SLC2A9: variants seen among roughly 807,000 people sequenced by gnomAD.
SLC2A9 encodes solute carrier family 2, facilitated glucose transporter member 9.
Under a neutral mutation model 50.6 loss-of-function variants are expected in SLC2A9, and 39 were observed. That is an observed-to-expected ratio of 0.77 (90% CI 0.60 to 1.01). The LOEUF is 1.01. Among genes scored for constraint, SLC2A9 ranks in the 50% least tolerant of loss-of-function variants. The pLI, the probability that SLC2A9 is intolerant of heterozygous loss-of-function variation, is 0.00. For synonymous variants in SLC2A9, 324 were observed against 276.9 expected (o/e 1.17, Z -1.69); for missense variants, 686 against 677.6 (o/e 1.01, Z -0.14).
At chr4:9,968,486 C>G (rs1264652372) in intron 5 of SLC2A9, among the ~76,000 whole-genome samples, 2 of 152,174 alleles carry the variant, frequency 1.3e-5, no homozygotes, top group African/African-American at 2.4e-5. Flanking sequence ...TCTCAAAGAC[C>G]TAGAAAAGCA....
At chr4:9,776,514 G>A (rs1478712813), downstream of SLC2A9, among the ~76,000 whole-genome samples, 1 of 151,972 alleles carries the variant, frequency 6.6e-6, no homozygotes, top group Non-Finnish European at 1.5e-5. Flanking sequence ...GCAATCAGAG[G>A]CCGGCACAGC....
At chr4:9,881,387 T>A (rs915872174) in intron 10 of SLC2A9, among the ~76,000 whole-genome samples, 3 of 152,178 alleles carry the variant, frequency 2.0e-5, no homozygotes, top group Admixed American at 1.3e-4. Context: ...TATTTAAGGT[T>A]CGTTTGACAT....
At chr4:9,772,673 C>T (rs982047684) in intron 1 of SLC2A9, among the ~76,000 whole-genome samples, 7 of 152,192 alleles carry the variant, frequency 4.6e-5, no homozygotes, top group African/African-American at 1.7e-4. Flanking sequence ...TTGTTTTAAG[C>T]TGCTGAGACC....
At chr4:9,970,476 C>T (rs1753724758) in intron 5 of SLC2A9, among the ~76,000 whole-genome samples, 1 of 151,744 alleles carries the variant, frequency 6.6e-6, no homozygotes, top group Non-Finnish European at 1.5e-5. Context: ...TGGGGTGGAC[C>T]AGGAGGGGCA....
intron 5 of SLC2A9, among the ~76,000 whole-genome samples, chr4:9,961,862 T>C (rs1237821054): frequency 1.3e-5 from 2 of 151,956 alleles, no homozygotes; most frequent in African/African-American, 4.8e-5. Context: ...AACAAATTTA[T>C]AAAAATCAAA....
At chr4:9,890,818 T>C in intron 8 of SLC2A9, 107 bp from the exon 9 acceptor site, 1 of 993,846 alleles carries the variant, frequency 1.0e-6, no homozygotes, top group Non-Finnish European at 1.6e-6. Flanking sequence ...AAAACCGGCT[T>C]TGACCCTGAG....
At position 9,878,145 on chromosome 4, in the gene SLC2A9, C is replaced by CAT. The variant is rs936756552; in HGVS notation, c.1291+9420_1291+9421dup. Among the ~76,000 whole-genome samples the CAT allele has an allele frequency of 6.6e-3, 990 of 150,548 alleles. 8 individuals are homozygous for CAT. The highest frequency in any genetic ancestry group is 0.02 in the African/African-American group (842 of 41,092). On this transcript the variant is annotated intron_variant, in intron 10 of 11. Transcript: ENST00000264784. The stretch of plus-strand genomic sequence containing the variant: ...GGCACTGTGGCATAACACACACACA[C>CAT]ATATATATATATATAAAATTGCAAT...
intron 4 of SLC2A9, 76 bp from the exon 5 acceptor site, chr4:9,980,813 T>C: frequency 6.3e-7 from 1 of 1,594,380 alleles, no homozygotes; most frequent in Non-Finnish European, 8.6e-7. Flanking sequence ...AATGCCTCTC[T>C]TGGCTCTGCT....
At chr4:9,774,706 C>T (rs537411054) in intron 1 of SLC2A9, among the ~76,000 whole-genome samples, 3 of 151,994 alleles carry the variant, frequency 2.0e-5, no homozygotes, top group Admixed American at 1.3e-4. Flanking sequence ...TTCTCTCTCT[C>T]TCTCCTCTTC....
At chr4:9,877,302 C>T (rs1430332277) in intron 10 of SLC2A9, among the ~76,000 whole-genome samples, 1 of 152,212 alleles carries the variant, frequency 6.6e-6, no homozygotes, top group African/African-American at 2.4e-5. Context: ...GGCAGGGAGA[C>T]CTTGCTGTCT....
At chr4:10,019,156 G>C in intron 1 of SLC2A9, 83 bp from the exon 2 acceptor site, 8 of 1,115,512 alleles carry the variant, frequency 7.2e-6, no homozygotes, top group Non-Finnish European at 1.1e-5. Flanking sequence ...TCCCTCAGCT[G>C]GGGGAGGCCT....
chr4:10,018,573 T>TAGATAGAC (rs1763036332), intron 2 of SLC2A9, among the ~76,000 whole-genome samples: 1 of 151,186 alleles, frequency 6.6e-6, no homozygotes, highest in Non-Finnish European at 1.5e-5. Flanking sequence ...GATAGATAGA[T>TAGATAGAC]AGATAGATAG....
intron 1 of SLC2A9, among the ~76,000 whole-genome samples, chr4:10,030,340 A>C (rs890638060): frequency 1.3e-5 from 2 of 152,226 alleles, no homozygotes; most frequent in Non-Finnish European, 2.9e-5. Context: ...ATTATTTGTC[A>C]ATCAAAAATA....
At chr4:9,825,248 T>G (rs1038006699), downstream of SLC2A9, among the ~76,000 whole-genome samples, 4 of 152,228 alleles carry the variant, frequency 2.6e-5, no homozygotes, top group African/African-American at 9.6e-5. Flanking sequence ...AGGCTGTAAG[T>G]AGATCTTACT....
At chr4:9,928,577 C>CA (rs1056801582) in intron 6 of SLC2A9, among the ~76,000 whole-genome samples, 5 of 151,998 alleles carry the variant, frequency 3.3e-5, no homozygotes, top group Admixed American at 6.6e-5. Flanking sequence ...ACTAAAAATA[C>CA]AAAAAAATTA....
chr4:9,841,975 A>G (rs1354996156), intron 10 of SLC2A9, among the ~76,000 whole-genome samples: 1 of 152,204 alleles, frequency 6.6e-6, no homozygotes, highest in Non-Finnish European at 1.5e-5. Context: ...TTCTCTGGTC[A>G]GTGCTGTTTT....
intron 5 of SLC2A9, among the ~76,000 whole-genome samples, chr4:9,976,681 C>G (rs16868246): frequency 0.71 from 107,880 of 152,182 alleles, 39,605 homozygotes; most frequent in East Asian, 0.98. Context: ...CAATGGTACA[C>G]CTTTTGGCTA....
intron 5 of SLC2A9, among the ~76,000 whole-genome samples, chr4:9,945,071 C>T (rs771908140): frequency 6.6e-6 from 1 of 152,254 alleles, no homozygotes; most frequent in East Asian, 1.9e-4. Context: ...TGAACATGCA[C>T]GTCTTCTCTC....
chr4:9,782,260 C>T lies in SLC2A9; in HGVS notation n.386-2195G>A, dbSNP rs768215154. 37 of 1,613,738 alleles carry T rather than the reference C, an allele frequency of 2.3e-5. 1 individual carries two copies. Among genetic ancestry groups the T allele is most frequent in the South Asian group, 7.7e-5 (7 of 91,066 alleles). ...GCCACCTGCGCGCCAACATGACCAA[C>T]GTCTTCATCGTGTCTCTGGCCGTGT... is the stretch of plus-strand genomic sequence containing the variant. On this transcript the variant is annotated intron_variant and non_coding_transcript_variant, in intron 3 of 3. Transcript: ENST00000503803.
Sources: gnomAD v4.1 joint callset for allele counts (sites outside exome capture counted in the v4.1 genomes callset) on GRCh38, gnomAD v4.1.1 for gene constraint, MANE v1.5 for transcripts, NCBI Gene and HGNC (gene_info 2026-07-23, HGNC 2026-07-21) for gene names.